Variants in JUP observed in about 807,000 individuals in gnomAD.
The protein encoded by JUP is catenin (cadherin-associated protein), gamma 80kDa.
A neutral mutation model predicts 71.1 loss-of-function variants in JUP; 28 were observed. The ratio of observed to expected loss-of-function variants is 0.39; its 90% CI spans 0.29 to 0.54. The LOEUF (loss-of-function observed/expected upper bound fraction) is 0.54. JUP is among the 20% of genes least tolerant of loss of function. The pLI is 0.62. For synonymous variants in JUP, 401 were observed against 438.9 expected, an observed-to-expected ratio of 0.91 and a Z score of 1.08; for missense variants, 869 against 1,030.1, an observed-to-expected ratio of 0.84 and a Z score of 2.14.
chr17:41,756,362 G>A, intron 12 of JUP, 148 bp from the exon 13 acceptor site: 1 of 756,524 alleles, frequency 1.3e-6, no homozygotes, highest in Non-Finnish European at 2.3e-6. Flanking sequence ...CACTCTGGGA[G>A]ACAGCAGGCG....
Position 41,764,827 on chromosome 17 carries a change from G to C in JUP, c.1055-11C>G. 2 of 1,613,608 alleles carry C rather than the reference G, an allele frequency of 1.2e-6. No individual in the cohort carries two copies. The highest frequency in any genetic ancestry group is 2.2e-5 in the East Asian group (1 of 44,866). On this transcript the variant is annotated splice_polypyrimidine_tract_variant and intron_variant, in intron 6 of 13. Coordinates refer to ENST00000393931, the MANE Select transcript of JUP (RefSeq NM_002230.4). ...GGGCCTGCATCCCACCTGGGGCAGGGATAGGGGTGCCATCAGCCACGGGGA... is the reference window on the plus strand; with the variant it reads ...GGGCCTGCATCCCACCTGGGGCAGGCATAGGGGTGCCATCAGCCACGGGGA...
chr17:41,767,525 G>C lies in JUP; in HGVS notation c.763C>G (p.Leu255Val), dbSNP rs1005433215. The change falls in exon 5 of 14, where the codon CTG becomes GTG. Residue 255 changes from leucine (L) to valine (V), a missense_variant. Transcript: ENST00000393931. ...GCCATCTTGGCGCCCTCCTGGTACA[G>C]GAGCAGGTTGTGCAGCGTGGTGATG... ...YAITTLHNLL[L>V]YQEGAKMAVR... 1.9e-6 allele frequency: 3 copies of C among 1,613,836 alleles called. No individual in the cohort carries two copies. The African/African-American group carries it at 4.0e-5, about 22-fold the overall frequency.
intron 1 of JUP, among the ~76,000 whole-genome samples, chr17:41,784,259 C>T (rs2047336491): frequency 6.6e-6 from 1 of 151,784 alleles, no homozygotes; most frequent in Admixed American, 6.6e-5. Flanking sequence ...TCGGCCCTGG[C>T]AGCCCAAACA....
intron 1 of JUP, chr17:41,772,169 C>A (rs1042988809): frequency 6.4e-6 from 3 of 471,192 alleles, no homozygotes; most frequent in Non-Finnish European, 1.2e-5. Flanking sequence ...GGCCAGCTGC[C>A]GCCAGAAGCC....
chr17:41,755,821 C>T lies in JUP; in HGVS notation c.2161G>A (p.Asp721Asn). 2 of 1,613,370 alleles carry T rather than the reference C, an allele frequency of 1.2e-6. No homozygotes were observed. The highest frequency in any genetic ancestry group is 1.7e-6 in the Non-Finnish European group (2 of 1,179,720). ...LDPLEMHMDM[D>N]GDYPIDTYSD... Reference sequence around the variant, plus strand: ...TAGGTGTCGATGGGGTAGTCTCCATCCATGTCCATGTGCATCTCCAGCGGG... The same window carrying T: ...TAGGTGTCGATGGGGTAGTCTCCATTCATGTCCATGTGCATCTCCAGCGGG... Residue 721 changes from aspartate to asparagine, a missense_variant, in exon 14 of 14, where the codon GAT becomes AAT. Coordinates refer to ENST00000393931, the MANE Select transcript of JUP (RefSeq NM_002230.4).
intron 1 of JUP, among the ~76,000 whole-genome samples, chr17:41,780,014 C>T (rs1424700404): frequency 6.6e-6 from 1 of 152,046 alleles, no homozygotes; most frequent in Non-Finnish European, 1.5e-5. Flanking sequence ...AGGAGTCTCC[C>T]CTAAATAAGC....
chr17:41,765,078 A>C lies in JUP; in HGVS notation c.910-11T>G. On this transcript the variant is annotated splice_polypyrimidine_tract_variant and intron_variant, in intron 5 of 13. Transcript: ENST00000393931. ...GGCCAGGATGATCAGCTATGGGTAA[A>C]GAGGGAATGAGTGTGAGATGGACGG... is the stretch of plus-strand genomic sequence containing the variant. 1 of 1,613,552 alleles carries C rather than the reference A, an allele frequency of 6.2e-7. No individual in the cohort carries two copies. Among genetic ancestry groups the C allele is most frequent in the Non-Finnish European group, 8.5e-7 (1 of 1,179,482 alleles).
chr17:41,781,179 C>T (rs1380499540), intron 1 of JUP, among the ~76,000 whole-genome samples: 8 of 140,986 alleles, frequency 5.7e-5, no homozygotes, highest in East Asian at 2.1e-4. Context: ...AGTGAGACTC[C>T]GTCTCAAAAA....
chr17:41,758,821 G>A lies in JUP; in HGVS notation c.1547C>T (p.Ala516Val). The A allele has an allele frequency of 1.2e-6, 2 of 1,610,786 alleles. No individual in the cohort carries two copies. Among genetic ancestry groups the A allele is most frequent in the Non-Finnish European group, 1.7e-6 (2 of 1,178,000 alleles). The change falls in exon 9 of 14, where the codon GCC becomes GTC. Residue 516 changes from alanine (A) to valine (V), a missense_variant. Physicochemically the swap from Ala to Val is moderately conservative, Grantham distance 64. Transcript: ENST00000393931. ...RNLALCPANHAPLQEAAVIPR... is the reference protein window; with the variant it reads ...RNLALCPANHVPLQEAAVIPR... ...GATGACCGCTGCCTCCTGCAGCGGGGCATGGTTGGCTGGGCACAGGGCCAG... is the reference window on the plus strand; with the variant it reads ...GATGACCGCTGCCTCCTGCAGCGGGACATGGTTGGCTGGGCACAGGGCCAG...
chr17:41,755,560 C>A lies in JUP; in HGVS notation c.*184G>T. ...GCCAGCAGGAATAGGCCTCCCCATCCCCACCAAAGACACAAGAAGAAGGCA... is the reference window on the plus strand; with the variant it reads ...GCCAGCAGGAATAGGCCTCCCCATCACCACCAAAGACACAAGAAGAAGGCA... On this transcript the variant is annotated 3_prime_UTR_variant, in exon 14 of 14. Transcript: ENST00000393931. 1.8e-6 allele frequency: 1 copy of A among 541,322 alleles called. No homozygotes were observed. The highest frequency in any genetic ancestry group is 3.1e-6 in the Non-Finnish European group (1 of 326,848). 33.5% of individuals were successfully genotyped at this position (541,322 alleles called of 1,614,324 possible).
intron 1 of JUP, among the ~76,000 whole-genome samples, chr17:41,776,376 AG>A (rs2046885239): frequency 6.6e-6 from 1 of 152,250 alleles, no homozygotes; most frequent in African/African-American, 2.4e-5. Flanking sequence ...CTCTGTCCAC[AG>A]GAAAGGCATG....
chr17:41,778,584 C>T (rs880003054), intron 1 of JUP, among the ~76,000 whole-genome samples: 1 of 148,818 alleles, frequency 6.7e-6, no homozygotes, highest in Admixed American at 6.8e-5. Flanking sequence ...TTACTATATA[C>T]AGGGGATGAG....
At chr17:41,767,207 T>G (rs1042693453) in intron 5 of JUP, among the ~76,000 whole-genome samples, 172 bp downstream of exon 5, 1 of 152,104 alleles carries the variant, frequency 6.6e-6, no homozygotes, top group African/African-American at 2.4e-5. Flanking sequence ...ATTTTTTTTT[T>G]CCCTTATCCT....
Position 41,757,498 on chromosome 17 carries a change from C to A in JUP, c.1963G>T (p.Asp655Tyr), listed in dbSNP as rs1914024100. The change falls in exon 12 of 14, where the codon GAC (aspartate) becomes TAC (tyrosine). Residue 655 changes from aspartate to tyrosine, a missense_variant. Coordinates refer to ENST00000393931, the MANE Select transcript of JUP (RefSeq NM_002230.4). ...AAAVLFRISE[D>Y]KNPDYRKRVS... ...CGCTTCCGGTAGTCTGGGTTCTTGTCCTCGGAGATGCGGAACAGGACGGCA... is the reference window on the plus strand; with the variant it reads ...CGCTTCCGGTAGTCTGGGTTCTTGTACTCGGAGATGCGGAACAGGACGGCA... 6.2e-7 allele frequency: 1 copy of A among 1,614,072 alleles called. No homozygotes were observed. Among genetic ancestry groups the A allele is most frequent in the Non-Finnish European group, 8.5e-7 (1 of 1,180,030 alleles).
At chr17:41,775,361 G>A (rs139882347) in intron 1 of JUP, among the ~76,000 whole-genome samples, 2 of 152,214 alleles carry the variant, frequency 1.3e-5, no homozygotes, top group African/African-American at 2.4e-5. Context: ...AGGAAGGCTG[G>A]AAGTCAGACC....
intron 12 of JUP, among the ~76,000 whole-genome samples, chr17:41,756,778 T>C (rs1555598241): frequency 6.6e-6 from 1 of 151,142 alleles, no homozygotes; most frequent in Non-Finnish European, 1.5e-5. Flanking sequence ...CGTGCACCTG[T>C]AGTCCCAGTT....
Position 41,769,630 on chromosome 17 carries a change from G to T in JUP, c.256C>A (p.Arg86=). 6.2e-7 allele frequency: 1 copy of T among 1,605,998 alleles called. No individual in the cohort carries two copies. The change falls in exon 3 of 14, where the codon CGG becomes AGG. Residue 86 remains arginine, a synonymous_variant. Transcript: ENST00000393931. ...MSTTARAKRV[R]EAMCPGVSGE... The stretch of plus-strand genomic sequence containing the variant: ...GACACACCAGGGCACATGGCCTCCC[G>T]CACCCGTTTGGCCCTGGCTGTTGTG...
At chr17:41,756,372 G>A (rs1383373043) in intron 12 of JUP, among the ~76,000 whole-genome samples, 158 bp from the exon 13 acceptor site, 5 of 152,118 alleles carry the variant, frequency 3.3e-5, no homozygotes, top group South Asian at 2.1e-4. Flanking sequence ...GACAGCAGGC[G>A]GATCACTTGA....
At chr17:41,779,618 G>A (rs972852401) in intron 1 of JUP, among the ~76,000 whole-genome samples, 6 of 151,944 alleles carry the variant, frequency 3.9e-5, no homozygotes, top group Non-Finnish European at 7.4e-5. Flanking sequence ...GTGAGCCACC[G>A]CGGCTGGCCC....
Sources: allele counts gnomAD v4.1 joint callset (sites outside exome capture counted in the v4.1 genomes callset), GRCh38; gene constraint gnomAD v4.1.1; transcripts MANE v1.5; gene names NCBI Gene and HGNC (gene_info 2026-07-23, HGNC 2026-07-21).